Variants in GLMN observed in about 807,000 individuals in gnomAD.
The protein encoded by GLMN is glomulin.
A neutral mutation model predicts 87.8 loss-of-function variants in GLMN; 75 were observed. The ratio of observed to expected loss-of-function variants is 0.85; its 90% CI spans 0.71 to 1.04. The LOEUF (loss-of-function observed/expected upper bound fraction) is 1.04, where lower values mean the gene tolerates loss of function less well. Among genes scored for constraint, GLMN ranks in the 50% least tolerant of loss-of-function variants. The pLI, the probability that GLMN is intolerant of heterozygous loss-of-function variation, is 0.00. For synonymous variants in GLMN, 206 were observed against 221.6 expected, an observed-to-expected ratio of 0.93 and a Z score of 0.63; for missense variants, 588 against 658.8, an observed-to-expected ratio of 0.89 and a Z score of 1.18.
At chr1:92,353,533 G>A in the GLMN span, among the ~76,000 whole-genome samples, 7 of 152,198 alleles carry the variant, frequency 4.6e-5, no homozygotes, top group East Asian at 1.9e-4. Context: ...CAAAGGTTAC[G>A]GTGTTCATAG....
chr1:92,276,148 CCTGGGAGGTTGAGG>C (rs2100956776), intron 7 of GLMN, among the ~76,000 whole-genome samples: 1 of 152,082 alleles, frequency 6.6e-6, no homozygotes, highest in East Asian at 1.9e-4. Context: ...ATCACTTGAG[CCTGGGAGGTTGAGG>C]CTGCAGTGAG....
chr1:92,300,909 ATTAG>A (rs58971429), upstream of GLMN, among the ~76,000 whole-genome samples: 1,637 of 152,356 alleles, frequency 0.011, 33 homozygotes, highest in African/African-American at 0.038. Flanking sequence ...TAATAAATTA[ATTAG>A]TTAATTAACA....
At chr1:92,298,751 C>A (rs1650491771) in intron 1 of GLMN, among the ~76,000 whole-genome samples, 174 bp downstream of exon 1, 2 of 152,120 alleles carry the variant, frequency 1.3e-5, no homozygotes, top group Admixed American at 6.5e-5. Flanking sequence ...AGTGAACACC[C>A]CAGCGCGCGT....
intron 7 of GLMN, 124 bp from the exon 8 acceptor site, chr1:92,271,776 A>C: frequency 1.4e-6 from 1 of 695,428 alleles, no homozygotes; most frequent in Non-Finnish European, 2.6e-6. Flanking sequence ...CGTGAGTGGG[A>C]CCTATGAGAC....
chr1:92,297,396 G>A lies in GLMN; in HGVS notation c.165+8C>T. On this transcript the variant is annotated splice_region_variant and intron_variant, in intron 3 of 18. Transcript: ENST00000370360. ...AGACTGAAAAGTAAACACCAAGATT[G>A]TACGCACCTTATTCTTTTCATTTTG... The A allele has an allele frequency of 6.2e-7, 1 of 1,609,360 alleles. No individual in the cohort carries two copies. The highest frequency in any genetic ancestry group is 8.5e-7 in the Non-Finnish European group (1 of 1,177,030).
chr1:92,328,742 T>C, the GLMN span, among the ~76,000 whole-genome samples: 1 of 152,172 alleles, frequency 6.6e-6, no homozygotes, highest in Non-Finnish European at 1.5e-5. Context: ...ATTACTAGAA[T>C]TGTTTTTCTG....
chr1:92,323,404 T>C, the GLMN span: 1 of 1,383,382 alleles, frequency 7.2e-7, no homozygotes, highest in Non-Finnish European at 9.9e-7. Context: ...TTTTATTTGC[T>C]ATTTTTTATT....
intron 11 of GLMN, among the ~76,000 whole-genome samples, chr1:92,267,319 G>A (rs1570895936): frequency 6.6e-6 from 1 of 152,186 alleles, no homozygotes; most frequent in African/African-American, 2.4e-5. Context: ...GTTAAAAGAA[G>A]AAAGTTATGC....
At chr1:92,366,363 A>C in the GLMN span, among the ~76,000 whole-genome samples, 1 of 152,182 alleles carries the variant, frequency 6.6e-6, no homozygotes, top group South Asian at 2.1e-4. Flanking sequence ...TTTCCTTATC[A>C]ATTATAAAAC....
At chr1:92,309,616 CACATACACATAT>C in the GLMN span, among the ~76,000 whole-genome samples, 5 of 103,332 alleles carry the variant, frequency 4.8e-5, no homozygotes, top group South Asian at 3.3e-4. Context: ...CATACACATA[CACATACACATAT>C]ACAAGTATAA....
At chr1:92,328,970 G>T in the GLMN span, among the ~76,000 whole-genome samples, 2 of 152,204 alleles carry the variant, frequency 1.3e-5, no homozygotes, top group African/African-American at 4.8e-5. Context: ...ACTAGGGAGT[G>T]TCTGCAAAGG....
intron 7 of GLMN, among the ~76,000 whole-genome samples, chr1:92,273,028 GA>G (rs1181996465): frequency 4.0e-4 from 61 of 152,306 alleles, no homozygotes; most frequent in African/African-American, 1.4e-3. Context: ...AAAAGGGAAT[GA>G]ATGACAAAAA....
the GLMN span, among the ~76,000 whole-genome samples, chr1:92,334,325 G>A: frequency 2.0e-5 from 3 of 151,900 alleles, 1 homozygote; most frequent in Non-Finnish European, 2.9e-5. Context: ...ACCTTTTTTG[G>A]TTTTTTATTT....
the GLMN span, among the ~76,000 whole-genome samples, chr1:92,307,702 A>C: frequency 6.8e-5 from 10 of 147,382 alleles, no homozygotes; most frequent in Non-Finnish European, 1.5e-4. Flanking sequence ...TATTTTATCA[A>C]TTTAAAGACA....
chr1:92,369,175 A>ATAAG, the GLMN span, among the ~76,000 whole-genome samples: 1 of 152,218 alleles, frequency 6.6e-6, no homozygotes, highest in Non-Finnish European at 1.5e-5. Context: ...GATTATTTTA[A>ATAAG]TAAGTATTTC....
the GLMN span, among the ~76,000 whole-genome samples, chr1:92,367,830 C>T: frequency 5.3e-5 from 8 of 152,162 alleles, no homozygotes; most frequent in South Asian, 2.1e-4. Context: ...AGTGTTGTTC[C>T]GTGTCATTTT....
rs200403545 is a variant in GLMN, at chr1:92,271,468, A to C, written c.920T>G (p.Leu307Ter). The C allele has an allele frequency of 1.9e-6, 3 of 1,609,524 alleles. No homozygotes were observed. The highest frequency in any genetic ancestry group is 2.6e-6 in the Non-Finnish European group (3 of 1,176,114). The change falls in exon 8 of 19, where the codon TTA (leucine) becomes TGA (stop). Residue 307 changes from leucine to a stop codon, truncating the protein, a stop_gained. Transcript: ENST00000370360. LOFTEE classifies it high-confidence loss of function. ...GIHIDQLPMV[L>*]SPLYLLQFNM... ...TAAACCAAACACTAACTCTTACCTT[A>C]AGACCATTGGAAGCTGATCAATATG... is the stretch of plus-strand genomic sequence containing the variant.
chr1:92,320,304 C>T, the GLMN span, among the ~76,000 whole-genome samples: 2 of 151,988 alleles, frequency 1.3e-5, no homozygotes, highest in Non-Finnish European at 2.9e-5. Context: ...GATGGAGTCT[C>T]GCTCTGTCGC....
chr1:92,273,441 GT>G (rs563200839), intron 7 of GLMN, among the ~76,000 whole-genome samples: 3,786 of 109,398 alleles, frequency 0.035, 49 homozygotes, highest in Middle Eastern at 0.093. Context: ...AGGTAGCCCT[GT>G]TTTTTTTTTT....
Sources: allele counts gnomAD v4.1 joint callset (sites outside exome capture counted in the v4.1 genomes callset), GRCh38; gene constraint gnomAD v4.1.1; transcripts MANE v1.5; gene names NCBI Gene and HGNC (gene_info 2026-07-23, HGNC 2026-07-21).